EBF1: variants seen among roughly 807,000 people sequenced by gnomAD.
The protein encoded by EBF1 is EBF transcription factor 1, also known as transcription factor COE1.
EBF1 carries 10 observed loss-of-function variants against 68.4 expected under a neutral mutation model. The observed-to-expected ratio is 0.15, with a 90% CI of 0.09 to 0.25. The LOEUF (loss-of-function observed/expected upper bound fraction) is 0.25, where lower values mean the gene tolerates loss of function less well. Ranked by LOEUF, EBF1 falls within the 10% of genes least tolerant of loss-of-function variation. The pLI is 1.00. For synonymous variants in EBF1, 298 were observed against 299.8 expected (o/e 0.99, Z 0.06); for missense variants, 509 against 794.4 (o/e 0.64, Z 4.32).
At chr5:159,053,792 C>T (rs576658220) in intron 6 of EBF1, among the ~76,000 whole-genome samples, 1 of 152,144 alleles carries the variant, frequency 6.6e-6, no homozygotes, top group Non-Finnish European at 1.5e-5. Context: ...TCAATGATAC[C>T]CAATTAGGCA....
At chr5:159,052,921 G>T (rs1351093747) in intron 6 of EBF1, among the ~76,000 whole-genome samples, 1 of 152,212 alleles carries the variant, frequency 6.6e-6, no homozygotes, top group Non-Finnish European at 1.5e-5. Context: ...GTCAAATTAT[G>T]CAGGGCCATG....
intron 10 of EBF1, among the ~76,000 whole-genome samples, chr5:158,763,236 A>G (rs1352752021): frequency 2.0e-5 from 3 of 152,210 alleles, no homozygotes; most frequent in African/African-American, 7.2e-5. Context: ...TCCACTGGGC[A>G]TTAAATTACA....
intron 9 of EBF1, among the ~76,000 whole-genome samples, chr5:158,790,541 T>C (rs986004817): frequency 1.3e-5 from 2 of 152,104 alleles, no homozygotes; most frequent in Non-Finnish European, 2.9e-5. Flanking sequence ...GTTTGGGACA[T>C]GCTGAATACT....
At chr5:159,022,056 T>TTAAAA (rs765107678) in intron 6 of EBF1, among the ~76,000 whole-genome samples, 3 of 105,630 alleles carry the variant, frequency 2.8e-5, no homozygotes, top group African/African-American at 7.4e-5. Context: ...GTCAGCACGA[T>TTAAAA]AAAAAAAAAA....
intron 10 of EBF1, among the ~76,000 whole-genome samples, chr5:158,732,246 C>T (rs1764244951): frequency 1.3e-5 from 2 of 152,096 alleles, no homozygotes; most frequent in Admixed American, 1.3e-4. Context: ...AAACAAGTTG[C>T]CACACGTTTT....
chr5:158,732,256 T>A (rs1764249221), intron 10 of EBF1, among the ~76,000 whole-genome samples: 1 of 152,212 alleles, frequency 6.6e-6, no homozygotes, highest in South Asian at 2.1e-4. Context: ...CCACACGTTT[T>A]GCTTAAAATG....
chr5:158,907,434 G>C (rs1804896096), intron 6 of EBF1, among the ~76,000 whole-genome samples: 1 of 152,106 alleles, frequency 6.6e-6, no homozygotes, highest in African/African-American at 2.4e-5. Flanking sequence ...GAGAAAATAG[G>C]TGTGTATCTT....
rs375977738 is a variant in EBF1, at chr5:158,987,565, A to G, written c.554+85831T>C. ...ATGAAGGCAGGAAAAGGTTCAGAGG[A>G]TGTCCAAATTCACACAGACATAGGC... On this transcript the variant is annotated intron_variant, in intron 6 of 15. Transcript: ENST00000313708. 2.2e-3 allele frequency among the ~76,000 whole-genome samples: 330 copies of G among 152,316 alleles called. 2 individuals are homozygous for G. The highest frequency in any genetic ancestry group is 7.5e-3 in the African/African-American group (311 of 41,578).
At chr5:158,948,738 T>C (rs1035440835) in intron 6 of EBF1, among the ~76,000 whole-genome samples, 5 of 152,178 alleles carry the variant, frequency 3.3e-5, no homozygotes, top group Non-Finnish European at 7.3e-5. Flanking sequence ...ACCCTGCCTT[T>C]GACTGACATG....
intron 6 of EBF1, among the ~76,000 whole-genome samples, chr5:158,981,725 T>C (rs897045249): frequency 1.3e-5 from 2 of 152,196 alleles, no homozygotes; most frequent in African/African-American, 4.8e-5. Context: ...GCACATGATA[T>C]AATCCACAAG....
At chr5:158,902,502 A>G (rs920798308) in intron 6 of EBF1, among the ~76,000 whole-genome samples, 32 of 150,496 alleles carry the variant, frequency 2.1e-4, no homozygotes, top group African/African-American at 7.6e-4. Flanking sequence ...ATCATAGCTC[A>G]CTGCAGCCTT....
At chr5:159,093,217 A>G (rs1168447518) in intron 4 of EBF1, among the ~76,000 whole-genome samples, 3 of 152,198 alleles carry the variant, frequency 2.0e-5, no homozygotes, top group Non-Finnish European at 2.9e-5. Context: ...ATAATCAAAG[A>G]ACAAGCAATT....
At chr5:158,862,660 C>T (rs1795168336) in intron 6 of EBF1, among the ~76,000 whole-genome samples, 1 of 151,998 alleles carries the variant, frequency 6.6e-6, no homozygotes, top group Non-Finnish European at 1.5e-5. Context: ...GATACCATGT[C>T]CAAGAGTAGG....
At chr5:158,741,070 A>T (rs1766269961) in intron 10 of EBF1, among the ~76,000 whole-genome samples, 1 of 152,370 alleles carries the variant, frequency 6.6e-6, no homozygotes, top group South Asian at 2.1e-4. Flanking sequence ...GACAAAAAAT[A>T]TATAACATTT....
At chr5:158,730,507 T>C (rs1175251787) in intron 11 of EBF1, among the ~76,000 whole-genome samples, 4 of 152,360 alleles carry the variant, frequency 2.6e-5, no homozygotes, top group African/African-American at 9.6e-5. Flanking sequence ...TTCTCTCATA[T>C]TTGTGCCTAT....
At chr5:158,834,250 A>C (rs1788229186) in intron 7 of EBF1, among the ~76,000 whole-genome samples, 1 of 152,222 alleles carries the variant, frequency 6.6e-6, no homozygotes, top group Non-Finnish European at 1.5e-5. Context: ...AATCAGACCG[A>C]AGCATGGTTT....
chr5:158,729,525 C>T (rs769709412), intron 11 of EBF1, among the ~76,000 whole-genome samples: 3 of 152,170 alleles, frequency 2.0e-5, no homozygotes, highest in Admixed American at 6.5e-5. Context: ...AGGAAATGCA[C>T]GGGACCATGT....
chr5:158,813,330 A>G (rs991347492), intron 8 of EBF1, among the ~76,000 whole-genome samples: 1 of 152,202 alleles, frequency 6.6e-6, no homozygotes, highest in Non-Finnish European at 1.5e-5. Context: ...CACCTACTGC[A>G]TGGGAAATAG....
Position 159,094,369 on chromosome 5 carries a change from C to A in EBF1, c.411+1251G>T, listed in dbSNP as rs74798106. Reference sequence around the variant, plus strand: ...CAAATAACATGAAATATATTTCAATCTTTATTTTTATTTTAAAAAATAGAT... The same window carrying A: ...CAAATAACATGAAATATATTTCAATATTTATTTTTATTTTAAAAAATAGAT... On this transcript the variant is annotated intron_variant, in intron 4 of 15. Transcript: ENST00000313708. Among the ~76,000 whole-genome samples, 9 of 151,078 alleles carry A rather than the reference C, an allele frequency of 6.0e-5. No homozygotes were observed. In the South Asian group the frequency reaches 6.2e-4, roughly 10 times the overall value.
Sources: gnomAD v4.1 joint callset for allele counts (sites outside exome capture counted in the v4.1 genomes callset) on GRCh38, gnomAD v4.1.1 for gene constraint, MANE v1.5 for transcripts, NCBI Gene and HGNC (gene_info 2026-07-23, HGNC 2026-07-21) for gene names.